EPHA6: variants seen among roughly 807,000 people sequenced by gnomAD.
The protein encoded by EPHA6 is ephrin type-A receptor 6.
A neutral mutation model predicts 112.0 loss-of-function variants in EPHA6; 50 were observed. The observed-to-expected ratio is 0.45, with a 90% CI of 0.36 to 0.56. The LOEUF (loss-of-function observed/expected upper bound fraction) is 0.56. Among genes scored for constraint, EPHA6 ranks in the 20% least tolerant of loss-of-function variants. The pLI is 0.00. For synonymous variants in EPHA6, 529 were observed against 490.7 expected (o/e 1.08, Z -1.03); for missense variants, 1,280 against 1,417.4 (o/e 0.90, Z 1.56).
chr3:97,258,226 GT>G (rs748609524), intron 5 of EPHA6, among the ~76,000 whole-genome samples: 8 of 150,148 alleles, frequency 5.3e-5, no homozygotes, highest in Admixed American at 2.7e-4. Flanking sequence ...AATAAATTAG[GT>G]GATTGTGTAT....
At chr3:97,015,844 G>A (rs2107961191) in intron 3 of EPHA6, among the ~76,000 whole-genome samples, 1 of 152,206 alleles carries the variant, frequency 6.6e-6, no homozygotes, top group Non-Finnish European at 1.5e-5. Flanking sequence ...TTAAAAATTA[G>A]AAACAAAAAC....
At chr3:97,510,794 C>T (rs2092350050) in intron 10 of EPHA6, among the ~76,000 whole-genome samples, 1 of 152,210 alleles carries the variant, frequency 6.6e-6, no homozygotes, top group South Asian at 2.1e-4. Flanking sequence ...CATAGCTGCC[C>T]CTTCTCCCAG....
At chr3:97,619,435 G>GGT (rs2093794623) in intron 13 of EPHA6, among the ~76,000 whole-genome samples, 1 of 71,908 alleles carries the variant, frequency 1.4e-5, no homozygotes, top group Non-Finnish European at 2.3e-5. Flanking sequence ...ATAGAAAAAG[G>GGT]GGGGGGGGGG....
intron 2 of EPHA6, among the ~76,000 whole-genome samples, chr3:96,911,802 T>C (rs1282453270): frequency 1.3e-5 from 2 of 152,196 alleles, no homozygotes; most frequent in East Asian, 1.9e-4. Flanking sequence ...TTAAAGATAG[T>C]ACATTTTTAA....
chr3:97,023,945 T>C (rs1576341791), intron 3 of EPHA6, among the ~76,000 whole-genome samples: 1 of 152,174 alleles, frequency 6.6e-6, no homozygotes, highest in African/African-American at 2.4e-5. Context: ...GAAAATAAAA[T>C]GTCAAGGCTT....
intron 14 of EPHA6, among the ~76,000 whole-genome samples, chr3:97,672,594 T>A (rs1294828286): frequency 2.0e-5 from 3 of 152,084 alleles, no homozygotes; most frequent in Admixed American, 2.0e-4. Context: ...TCCTGTTGTA[T>A]TTCTACCCTA....
At chr3:97,713,902 C>T (rs2034097062) in intron 14 of EPHA6, among the ~76,000 whole-genome samples, 1 of 152,206 alleles carries the variant, frequency 6.6e-6, no homozygotes, top group Non-Finnish European at 1.5e-5. Context: ...TGCAATTTGT[C>T]TCCAGTCTTG....
intron 10 of EPHA6, among the ~76,000 whole-genome samples, chr3:97,526,573 A>G (rs1012897630): frequency 2.7e-5 from 4 of 148,212 alleles, no homozygotes; most frequent in Admixed American, 6.7e-5. Flanking sequence ...TTTGGGGCCC[A>G]GTTATGGTCT....
At chr3:97,650,952 T>A (rs1314819403) in intron 14 of EPHA6, among the ~76,000 whole-genome samples, 1 of 152,052 alleles carries the variant, frequency 6.6e-6, no homozygotes, top group African/African-American at 2.4e-5. Flanking sequence ...TCCAACTTTC[T>A]TTTCAGCACT....
chr3:97,166,362 GT>G (rs200784220), intron 3 of EPHA6, among the ~76,000 whole-genome samples: 70 of 147,496 alleles, frequency 4.7e-4, no homozygotes, highest in African/African-American at 1.6e-3. Flanking sequence ...GTATGTACTT[GT>G]TTTTAAAAAA....
At chr3:97,675,507 C>A (rs2031285223) in intron 14 of EPHA6, among the ~76,000 whole-genome samples, 1 of 151,852 alleles carries the variant, frequency 6.6e-6, no homozygotes, top group African/African-American at 2.4e-5. Context: ...AAATAAAAAC[C>A]AAACAGAAAG....
intron 3 of EPHA6, among the ~76,000 whole-genome samples, chr3:97,141,156 T>C (rs1371154216): frequency 6.6e-6 from 1 of 152,126 alleles, no homozygotes; most frequent in Non-Finnish European, 1.5e-5. Flanking sequence ...TAAGTATATA[T>C]GTACCCAACA....
chr3:97,256,096 G>A (rs181599141), intron 5 of EPHA6, among the ~76,000 whole-genome samples: 9 of 152,024 alleles, frequency 5.9e-5, no homozygotes, highest in East Asian at 1.9e-4. Flanking sequence ...TTAATGACCC[G>A]TCAAAGCAGA....
chr3:97,401,700 T>C (rs548216532), intron 5 of EPHA6, among the ~76,000 whole-genome samples: 65 of 152,006 alleles, frequency 4.3e-4, no homozygotes, highest in African/African-American at 1.5e-3. Context: ...TCTTTTCTTC[T>C]ACTAGTTTTG....
intron 3 of EPHA6, among the ~76,000 whole-genome samples, chr3:97,214,034 TGTGTGA>T (rs902882726): frequency 3.0e-5 from 4 of 131,726 alleles, no homozygotes; most frequent in African/African-American, 3.5e-5. Flanking sequence ...TGTGTGTGTG[TGTGTGA>T]GAGAGAGAGA....
chr3:97,432,280 C>T (rs2089557388), intron 6 of EPHA6, among the ~76,000 whole-genome samples: 1 of 152,144 alleles, frequency 6.6e-6, no homozygotes, highest in African/African-American at 2.4e-5. Flanking sequence ...TAAAATATTA[C>T]TTCTTACTCA....
chr3:97,442,573 AAGAG>A (rs1038485605), intron 6 of EPHA6, among the ~76,000 whole-genome samples: 3 of 150,966 alleles, frequency 2.0e-5, no homozygotes, highest in East Asian at 1.9e-4. Context: ...CTGCCTCAAA[AAGAG>A]AGAGAGAGAG....
chr3:96,852,603 A>G (rs2035459566), intron 1 of EPHA6, among the ~76,000 whole-genome samples: 1 of 99,662 alleles, frequency 1.0e-5, no homozygotes, highest in Non-Finnish European at 1.9e-5. Flanking sequence ...TATCTTATCC[A>G]AAAAAAAAAA....
At chr3:97,082,387 T>G (rs927004459) in intron 3 of EPHA6, among the ~76,000 whole-genome samples, 15 of 151,968 alleles carry the variant, frequency 9.9e-5, no homozygotes, top group African/African-American at 3.1e-4. Context: ...TTATATTATA[T>G]AAGATCAGAA....
Sources: gnomAD v4.1 joint callset for allele counts (sites outside exome capture counted in the v4.1 genomes callset) on GRCh38, gnomAD v4.1.1 for gene constraint, MANE v1.5 for transcripts, NCBI Gene and HGNC (gene_info 2026-07-23, HGNC 2026-07-21) for gene names.